The following LARS2 variants were observed in gnomAD, a reference collection of about 807,000 sequenced individuals.
The protein encoded by LARS2 is leucine--tRNA ligase, mitochondrial.
LARS2 carries 81 observed loss-of-function variants against 116.6 expected under a neutral mutation model. The observed-to-expected ratio is 0.69, with a 90% CI of 0.58 to 0.84. The LOEUF (loss-of-function observed/expected upper bound fraction) is 0.84. Among genes scored for constraint, LARS2 ranks in the 40% least tolerant of loss-of-function variants. The pLI is 0.00. For missense variants in LARS2, 968 were observed against 1,114.5 expected (o/e 0.87, Z 1.87); for synonymous variants, 396 against 407.2 (o/e 0.97, Z 0.33).
intron 21 of LARS2, 35 bp downstream of exon 21, chr3:45,541,991 T>G: frequency 6.2e-7 from 1 of 1,610,910 alleles, no homozygotes; most frequent in Non-Finnish European, 8.5e-7. Context: ...AACCCAGCAG[T>G]CCCTGCCCTG....
intron 10 of LARS2, among the ~76,000 whole-genome samples, chr3:45,485,179 C>G (rs933937122): frequency 9.9e-5 from 15 of 152,158 alleles, no homozygotes; most frequent in Admixed American, 7.2e-4. Flanking sequence ...CTTCATTTTG[C>G]TGGAACACAT....
At chr3:45,471,459 C>T (rs1470875936) in intron 8 of LARS2, among the ~76,000 whole-genome samples, 1 of 152,216 alleles carries the variant, frequency 6.6e-6, no homozygotes, top group African/African-American at 2.4e-5. Flanking sequence ...TCATCCTCAT[C>T]AAGATCTGAA....
chr3:45,521,080 G>A (rs537152044), intron 19 of LARS2, among the ~76,000 whole-genome samples: 31 of 152,088 alleles, frequency 2.0e-4, no homozygotes, highest in Non-Finnish European at 2.8e-4. Flanking sequence ...TGAGGCAGGC[G>A]GATCACGAGG....
intron 8 of LARS2, among the ~76,000 whole-genome samples, chr3:45,468,690 G>A (rs544166739): frequency 6.6e-6 from 1 of 152,328 alleles, no homozygotes; most frequent in South Asian, 2.1e-4. Context: ...GAAAAGGTGG[G>A]TCAGAGGGGG....
In LARS2 at chr3:45,533,295, C is replaced by T. The variant is rs189301988; in HGVS notation, c.2405-8534C>T. On this transcript the variant is annotated intron_variant, in intron 20 of 21. Transcript: ENST00000645846. ...CCTCCTGAGTAGCTGGGACTACAGG[C>T]CCCCGCCACCATACCCAGCTAATTT... Among the ~76,000 whole-genome samples, 286 of 151,742 alleles carry T rather than the reference C, an allele frequency of 1.9e-3. 3 individuals carry two copies. In the East Asian group the frequency reaches 0.039, roughly 21 times the overall value.
chr3:45,488,866 G>T, intron 12 of LARS2, 54 bp downstream of exon 12: 1 of 1,151,308 alleles, frequency 8.7e-7, no homozygotes, highest in Non-Finnish European at 1.3e-6. Context: ...GACTTTGATA[G>T]ACATTTTCCT....
At chr3:45,430,812 C>G (rs1168301361) in intron 6 of LARS2, among the ~76,000 whole-genome samples, 1 of 151,364 alleles carries the variant, frequency 6.6e-6, no homozygotes, top group East Asian at 1.9e-4. Context: ...GTCTCGATCC[C>G]CTGACCTCAT....
chr3:45,427,637 G>GT (rs531438514), intron 6 of LARS2, among the ~76,000 whole-genome samples: 138 of 152,170 alleles, frequency 9.1e-4, no homozygotes, highest in African/African-American at 3.2e-3. Context: ...AGCATAAAAC[G>GT]TGTATGTATA....
intron 6 of LARS2, among the ~76,000 whole-genome samples, chr3:45,437,030 G>A (rs1343797094): frequency 1.3e-5 from 2 of 152,130 alleles, no homozygotes; most frequent in Admixed American, 6.5e-5. Context: ...ACAAAGGGGA[G>A]CTTATTGATC....
intron 21 of LARS2, among the ~76,000 whole-genome samples, chr3:45,542,278 A>G (rs1055336209): frequency 1.3e-5 from 2 of 151,794 alleles, no homozygotes; most frequent in Non-Finnish European, 2.9e-5. Context: ...TGTTTCAGTC[A>G]CTCTCAATTT....
At chr3:45,476,321 T>C in intron 9 of LARS2, 147 bp from the exon 10 acceptor site, 1 of 801,224 alleles carries the variant, frequency 1.2e-6, no homozygotes, top group South Asian at 1.7e-5. Context: ...CCAGGCACCA[T>C]CTCAATCCCC....
intron 6 of LARS2, among the ~76,000 whole-genome samples, chr3:45,428,250 T>TG (rs1698631334): frequency 7.1e-6 from 1 of 141,202 alleles, no homozygotes; most frequent in South Asian, 2.4e-4. Flanking sequence ...TTTTTTTTTT[T>TG]TTTTTTTTTT....
At chr3:45,544,606 C>A (rs1700849121) in intron 21 of LARS2, among the ~76,000 whole-genome samples, 1 of 152,192 alleles carries the variant, frequency 6.6e-6, no homozygotes, top group South Asian at 2.1e-4. Context: ...TATCCCCATT[C>A]ACAGACAGGC....
intron 11 of LARS2, among the ~76,000 whole-genome samples, chr3:45,487,565 T>C (rs1411279337): frequency 6.6e-6 from 1 of 152,196 alleles, no homozygotes; most frequent in Non-Finnish European, 1.5e-5. Context: ...CAGATGACCC[T>C]ATAGCAGGGG....
intron 6 of LARS2, among the ~76,000 whole-genome samples, chr3:45,422,667 TTTATTA>T (rs1436174704): frequency 6.6e-6 from 1 of 152,224 alleles, no homozygotes; most frequent in Non-Finnish European, 1.5e-5. Context: ...ATTTGATCCA[TTTATTA>T]TTTCATGACT....
chr3:45,457,670 ACT>A lies in LARS2; in HGVS notation c.607-1070_607-1069del, dbSNP rs145975130. Among the ~76,000 whole-genome samples the A allele has an allele frequency of 8.9e-3, 1,350 of 152,008 alleles. 18 individuals are homozygous for A. Among genetic ancestry groups the A allele is most frequent in the African/African-American group, 0.031 (1,292 of 41,428 alleles). On this transcript the variant is annotated intron_variant, in intron 7 of 21. Coordinates refer to ENST00000645846, the MANE Select transcript of LARS2 (RefSeq NM_015340.4). ...ATCCAGCCTGGGTAATAAGAGCAAA[ACT>A]CTGTCTCAAAGAAAAAAAAAATTAC...
At chr3:45,458,431 G>A (rs934356657) in intron 7 of LARS2, among the ~76,000 whole-genome samples, 1 of 152,148 alleles carries the variant, frequency 6.6e-6, no homozygotes, top group African/African-American at 2.4e-5. Flanking sequence ...AGTGGCTCAC[G>A]CCTGTAATCC....
intron 6 of LARS2, among the ~76,000 whole-genome samples, chr3:45,443,876 C>T (rs892386407): frequency 6.6e-6 from 1 of 152,112 alleles, no homozygotes; most frequent in African/African-American, 2.4e-5. Context: ...GCCTGTAATT[C>T]CCCACCCCTC....
At position 45,549,383 on chromosome 3, in the gene LARS2, G is replaced by A. The variant is rs566352577; in HGVS notation, c.*1853G>A. The A allele has an allele frequency of 1.3e-5, 2 of 152,328 alleles. No homozygotes were observed. The highest frequency in any genetic ancestry group is 2.1e-4 in the South Asian group (1 of 4,818). 9.4% of individuals were successfully genotyped at this position (152,328 alleles called of 1,614,324 possible). On this transcript the variant is annotated 3_prime_UTR_variant, in exon 22 of 22. Coordinates refer to ENST00000645846, the MANE Select transcript of LARS2 (RefSeq NM_015340.4). ...CTCATTGCACATGGCAGTGAATATG[G>A]ATTAAATATAAGCCCATGAAAATAT...
Sources: allele counts gnomAD v4.1 joint callset (sites outside exome capture counted in the v4.1 genomes callset), GRCh38; gene constraint gnomAD v4.1.1; transcripts MANE v1.5; gene names NCBI Gene and HGNC (gene_info 2026-07-23, HGNC 2026-07-21).